SLC9A1: variants seen among roughly 807,000 people sequenced by gnomAD.
SLC9A1 encodes sodium/hydrogen exchanger 1.
A neutral mutation model predicts 67.9 loss-of-function variants in SLC9A1; 22 were observed. The ratio of observed to expected loss-of-function variants is 0.32; its 90% CI spans 0.23 to 0.46. The LOEUF is 0.46. Among genes scored for constraint, SLC9A1 ranks in the 20% least tolerant of loss-of-function variants. SLC9A1 has a pLI of 1.00. For missense variants in SLC9A1, 686 were observed against 1,094.8 expected (o/e 0.63, Z 5.27); for synonymous variants, 421 against 471.8 (o/e 0.89, Z 1.40).
In SLC9A1 at chr1:27,114,009, G is replaced by A. The variant is rs558748349; in HGVS notation, c.630C>T (p.Ala210=). The A allele has an allele frequency of 2.9e-4, 470 of 1,614,168 alleles. 10 individuals are homozygous for A. The South Asian group carries it at 4.7e-3, about 16-fold the overall frequency. Residue 210 remains alanine (A), a synonymous_variant, in exon 2 of 12, where the codon GCC becomes GCT. Coordinates refer to ENST00000263980, the MANE Select transcript of SLC9A1 (RefSeq NM_003047.5). This position sits in a 1 kb window ranked among gnomAD's most constrained non-coding sequence, Gnocchi z 5.4. ...TCTGCTCACCGCCCACCAGGCACAC[G>A]GCGTACATGAGGCCGCCCAGGAAGA... The part of the protein sequence containing the change: ...NAFFLGGLMY[A]VCLVGGEQIN...
At chr1:27,107,583 A>G in intron 4 of SLC9A1, 65 bp downstream of exon 4, 1 of 1,243,174 alleles carries the variant, frequency 8.0e-7, no homozygotes, top group Non-Finnish European at 1.1e-6. Flanking sequence ...ACAGCACCAC[A>G]GCCCACCACC....
At chr1:27,129,147 G>C (rs947738466) in intron 1 of SLC9A1, among the ~76,000 whole-genome samples, 1 of 152,176 alleles carries the variant, frequency 6.6e-6, no homozygotes, top group Non-Finnish European at 1.5e-5. Flanking sequence ...CAGCATTAAG[G>C]CTCCATGGGC....
chr1:27,120,446 T>C (rs1431098580), intron 1 of SLC9A1, among the ~76,000 whole-genome samples: 1 of 151,650 alleles, frequency 6.6e-6, no homozygotes, highest in Non-Finnish European at 1.5e-5. Context: ...TTTTTTAAAA[T>C]GTAGCAGCCA....
chr1:27,131,123 C>A (rs1178512536), intron 1 of SLC9A1, among the ~76,000 whole-genome samples: 1 of 152,204 alleles, frequency 6.6e-6, no homozygotes, highest in Non-Finnish European at 1.5e-5. Flanking sequence ...TCCAGCAGGG[C>A]AGGGGAGATG....
intron 1 of SLC9A1, among the ~76,000 whole-genome samples, chr1:27,116,744 AG>A (rs2083274568): frequency 6.6e-6 from 1 of 152,166 alleles, no homozygotes; most frequent in South Asian, 2.1e-4. Flanking sequence ...TAGAGGATAA[AG>A]CCCACATTTT....
chr1:27,117,554 C>T (rs1178174127), intron 1 of SLC9A1, among the ~76,000 whole-genome samples: 1 of 152,172 alleles, frequency 6.6e-6, no homozygotes. Context: ...GAGTTGGCCA[C>T]AGCTCCTGCC....
chr1:27,100,480 C>A lies in SLC9A1; in HGVS notation c.2275G>T (p.Asp759Tyr). ...AKVAEEDEDD[D>Y]GGIMMRSKET... ...TTGCTCCGCATCATGATGCCCCCAT[C>A]GTCGTCCTCGTCCTCCTCAGCCACC... The change falls in exon 12 of 12, where the codon GAT (aspartate) becomes TAT (tyrosine). Residue 759 changes from aspartate (D) to tyrosine (Y), a missense_variant. Asp to Tyr is a radical substitution (Grantham distance 160). Coordinates refer to ENST00000263980, the MANE Select transcript of SLC9A1 (RefSeq NM_003047.5). The surrounding 1 kb of genome is among the most constrained non-coding windows in gnomAD (Gnocchi z 5.6). The A allele has an allele frequency of 6.2e-7, 1 of 1,614,094 alleles. No homozygotes were observed. Among genetic ancestry groups the A allele is most frequent in the Non-Finnish European group, 8.5e-7 (1 of 1,179,952 alleles).
chr1:27,121,095 G>A (rs1435273359), intron 1 of SLC9A1, among the ~76,000 whole-genome samples: 1 of 152,138 alleles, frequency 6.6e-6, no homozygotes, highest in African/African-American at 2.4e-5. Flanking sequence ...AAGTACCTGG[G>A]CAAGCATCCT....
In SLC9A1 at chr1:27,118,366, A is replaced by T. The variant is rs2083285176; in HGVS notation, c.353-4080T>A. ...GGCTGGGGGAGGAAGGGATTCTGTC[A>T]TCAAGAGGAGGCTCCTTCAGGAGCA... On this transcript the variant is annotated intron_variant, in intron 1 of 11. Transcript: ENST00000263980. The surrounding 1 kb of genome is among the most constrained non-coding windows in gnomAD (Gnocchi z 4.3). 6.6e-6 allele frequency among the ~76,000 whole-genome samples: 1 copy of T among 152,158 alleles called. No homozygotes were observed. The highest frequency in any genetic ancestry group is 2.1e-4 in the South Asian group (1 of 4,830).
rs761074437 is a variant in SLC9A1, at chr1:27,114,363, G to A, written c.353-77C>T. ...AATAGAAGGTTGGGGATGGGCCGGG[G>A]ATGAGGAGCGCAGTTGGTGAGAGGT... On this transcript the variant is annotated intron_variant, in intron 1 of 11. Coordinates refer to ENST00000263980, the MANE Select transcript of SLC9A1 (RefSeq NM_003047.5). This position sits in a 1 kb window ranked among gnomAD's most constrained non-coding sequence, Gnocchi z 5.4. The A allele has an allele frequency of 4.2e-6, 5 of 1,197,234 alleles. No individual in the cohort carries two copies. The African/African-American group carries it at 4.6e-5, about 11-fold the overall frequency. 74.2% of individuals were successfully genotyped at this position (1,197,234 alleles called of 1,614,324 possible). A position where few individuals can be genotyped will look rare whatever the true frequency, so the allele number is the denominator to read the frequency against.
intron 1 of SLC9A1, among the ~76,000 whole-genome samples, chr1:27,126,094 T>C (rs1055389363): frequency 7.2e-5 from 11 of 152,254 alleles, no homozygotes; most frequent in African/African-American, 2.2e-4. Flanking sequence ...ATTCCCCATG[T>C]AGGTGAATGA....
At chr1:27,139,949 C>T (rs1428808218) in intron 1 of SLC9A1, among the ~76,000 whole-genome samples, 2 of 152,020 alleles carry the variant, frequency 1.3e-5, no homozygotes, top group African/African-American at 2.4e-5. Flanking sequence ...TGCACCATCA[C>T]ACCTGGCTAA....
At chr1:27,132,848 T>C (rs191336227) in intron 1 of SLC9A1, among the ~76,000 whole-genome samples, 1 of 152,282 alleles carries the variant, frequency 6.6e-6, no homozygotes, top group East Asian at 1.9e-4. Context: ...GCTTGCTTAA[T>C]GAGCTGTGGC....
intron 1 of SLC9A1, among the ~76,000 whole-genome samples, chr1:27,145,822 C>T (rs2083481567): frequency 6.6e-6 from 1 of 152,100 alleles, no homozygotes; most frequent in Non-Finnish European, 1.5e-5. Flanking sequence ...CTAATAGACC[C>T]CAAAATCGGC....
intron 1 of SLC9A1, among the ~76,000 whole-genome samples, chr1:27,131,938 G>GAAAAAAAAAAAA (rs1351315440): frequency 5.7e-5 from 2 of 35,022 alleles, no homozygotes; most frequent in African/African-American, 2.2e-4. Context: ...AGAAGAAGAA[G>GAAAAAAAAAAAA]AAAAAAAAAA....
chr1:27,122,129 G>A (rs764577463), intron 1 of SLC9A1, among the ~76,000 whole-genome samples: 1 of 151,822 alleles, frequency 6.6e-6, no homozygotes, highest in Non-Finnish European at 1.5e-5. Context: ...ATACAAAAAC[G>A]AACAAACAAA....
intron 1 of SLC9A1, among the ~76,000 whole-genome samples, chr1:27,119,617 T>C (rs1295988577): frequency 6.6e-6 from 1 of 152,210 alleles, no homozygotes; most frequent in Non-Finnish European, 1.5e-5. Flanking sequence ...ACCATAGTTC[T>C]GGGAAGTCAC....
chr1:27,125,807 G>A (rs2083339846), intron 1 of SLC9A1, among the ~76,000 whole-genome samples: 3 of 150,104 alleles, frequency 2.0e-5, no homozygotes, highest in African/African-American at 4.9e-5. Context: ...TGGCCAGGGT[G>A]GTCTCGATCT....
rs1478819461 is a variant in SLC9A1, at chr1:27,101,355, C to T, written c.2038-80G>A. On this transcript the variant is annotated intron_variant, in intron 10 of 11. Coordinates refer to ENST00000263980, the MANE Select transcript of SLC9A1 (RefSeq NM_003047.5). The surrounding 1 kb of genome is among the most constrained non-coding windows in gnomAD (Gnocchi z 4.9). Reference sequence around the variant, plus strand: ...CAGGACAGAACCCGGCCAGTGCACACCCCACCTTTCGTATATGCAGGGCGC... The same window carrying T: ...CAGGACAGAACCCGGCCAGTGCACATCCCACCTTTCGTATATGCAGGGCGC... 9.0e-7 allele frequency: 1 copy of T among 1,111,814 alleles called. No individual in the cohort carries two copies. Among genetic ancestry groups the T allele is most frequent in the Admixed American group, 1.8e-5 (1 of 54,968 alleles). The allele number at this position is 1,111,814 out of a possible 1,614,324, so 68.9% of individuals were successfully genotyped here.
Sources: allele counts gnomAD v4.1 joint callset (sites outside exome capture counted in the v4.1 genomes callset), GRCh38; gene constraint gnomAD v4.1.1; non-coding constraint Gnocchi (gnomAD v3.1); transcripts MANE v1.5; gene names NCBI Gene and HGNC (gene_info 2026-07-23, HGNC 2026-07-21).